Variants in RALYL observed in about 807,000 individuals in gnomAD.
The protein encoded by RALYL is RALY RNA binding protein like, also known as RNA-binding Raly-like protein.
Under a neutral mutation model 35.1 loss-of-function variants are expected in RALYL, and 29 were observed. The ratio of observed to expected loss-of-function variants is 0.83; its 90% CI spans 0.61 to 1.13. RALYL has a LOEUF of 1.13. Ranked by LOEUF, RALYL falls within the 50% of genes most tolerant of loss-of-function variation. The pLI is 0.00. For missense variants in RALYL, 359 were observed against 360.4 expected, an observed-to-expected ratio of 1.00 and a Z score of 0.03; for synonymous variants, 120 against 127.6, an observed-to-expected ratio of 0.94 and a Z score of 0.40.
chr8:84,523,025 A>C (rs2058585746), intron 1 of RALYL, among the ~76,000 whole-genome samples: 1 of 152,168 alleles, frequency 6.6e-6, no homozygotes, highest in African/African-American at 2.4e-5. Flanking sequence ...GTGGCAGGCA[A>C]GAAGCCAAAG....
intron 1 of RALYL, among the ~76,000 whole-genome samples, chr8:84,424,518 A>T (rs1158340564): frequency 6.7e-6 from 1 of 149,994 alleles, no homozygotes; most frequent in East Asian, 1.9e-4. Flanking sequence ...GCTCAGAGTA[A>T]TTCGATCGTC....
intron 3 of RALYL, among the ~76,000 whole-genome samples, chr8:84,780,493 C>T (rs1817890007): frequency 6.6e-6 from 1 of 152,180 alleles, no homozygotes; most frequent in African/African-American, 2.4e-5. Context: ...TTCTCTAATT[C>T]AGAAATCTCC....
chr8:84,314,131 T>G (rs73306926), intron 1 of RALYL, among the ~76,000 whole-genome samples: 7,207 of 151,976 alleles, frequency 0.047, 264 homozygotes, highest in African/African-American at 0.083. Context: ...AAGTGCAGGG[T>G]AAACACTGGA....
chr8:84,485,828 G>A (rs1347015541), intron 1 of RALYL, among the ~76,000 whole-genome samples: 3 of 151,980 alleles, frequency 2.0e-5, no homozygotes, highest in Non-Finnish European at 2.9e-5. Context: ...TATCCAAGCA[G>A]CCATTATTAT....
chr8:84,841,125 C>T (rs1310643823), intron 4 of RALYL, among the ~76,000 whole-genome samples: 44 of 152,086 alleles, frequency 2.9e-4, no homozygotes, highest in Non-Finnish European at 3.8e-4. Flanking sequence ...CAATACTAAC[C>T]TTAAATGTAA....
intron 4 of RALYL, among the ~76,000 whole-genome samples, chr8:84,827,881 A>ATAAT: frequency 6.6e-6 from 1 of 152,222 alleles, no homozygotes; most frequent in East Asian, 1.9e-4. Context: ...TAACAAATGA[A>ATAAT]TAATTATTAA....
In RALYL at chr8:84,248,352, G is replaced by A. The variant is rs550813520; in HGVS notation, c.-24+63928G>A. Reference sequence around the variant, plus strand: ...CCTATTCAGCAACTTTATCAAACCTGGACCAAATAATCTCCTGATAGGCAA... The same window carrying A: ...CCTATTCAGCAACTTTATCAAACCTAGACCAAATAATCTCCTGATAGGCAA... On this transcript the variant is annotated intron_variant, in intron 1 of 8. Coordinates refer to ENST00000521268, the MANE Select transcript of RALYL (RefSeq NM_173848.7). 5.3e-4 allele frequency among the ~76,000 whole-genome samples: 81 copies of A among 152,104 alleles called. 1 individual carries two copies. The Middle Eastern group carries it at 0.017, about 32-fold the overall frequency.
intron 1 of RALYL, among the ~76,000 whole-genome samples, chr8:84,202,142 A>G (rs1454028905): frequency 2.0e-5 from 3 of 151,556 alleles, no homozygotes. Flanking sequence ...TTTTACTGTA[A>G]TATTGCAGTT....
At chr8:84,428,303 G>A (rs571641909) in intron 1 of RALYL, among the ~76,000 whole-genome samples, 103 of 152,214 alleles carry the variant, frequency 6.8e-4, no homozygotes, top group African/African-American at 2.4e-3. Flanking sequence ...CCAGATGGTC[G>A]TTAATCATGA....
chr8:84,608,798 G>A (rs1289491967), intron 2 of RALYL, among the ~76,000 whole-genome samples: 2 of 152,070 alleles, frequency 1.3e-5, no homozygotes, highest in South Asian at 2.1e-4. Context: ...GATCTGCCAC[G>A]AATCCTTGGT....
chr8:84,530,079 G>T (rs1264399460), intron 2 of RALYL, among the ~76,000 whole-genome samples: 1 of 152,080 alleles, frequency 6.6e-6, no homozygotes, highest in Non-Finnish European at 1.5e-5. Flanking sequence ...TAAGGATTTT[G>T]TGTATTATAC....
chr8:84,224,174 A>G (rs961964399), intron 1 of RALYL, among the ~76,000 whole-genome samples: 4 of 152,126 alleles, frequency 2.6e-5, no homozygotes, highest in Non-Finnish European at 5.9e-5. Flanking sequence ...CAAAATGGTC[A>G]TATGCTCACT....
At chr8:84,547,996 CT>C (rs2060476173) in intron 2 of RALYL, among the ~76,000 whole-genome samples, 1 of 152,028 alleles carries the variant, frequency 6.6e-6, no homozygotes, top group Non-Finnish European at 1.5e-5. Context: ...TACTTGTTAG[CT>C]GTTCTCGGTC....
chr8:84,794,450 C>G (rs780616951), intron 3 of RALYL, among the ~76,000 whole-genome samples: 2 of 152,232 alleles, frequency 1.3e-5, no homozygotes, highest in African/African-American at 2.4e-5. Context: ...TTGAAAGAGA[C>G]AGCTGAGCAG....
At position 84,613,765 on chromosome 8, in the gene RALYL, G is replaced by GT. The variant is rs1377156242; in HGVS notation, c.256+84194dup. On this transcript the variant is annotated intron_variant, in intron 2 of 8. Coordinates refer to ENST00000521268, the MANE Select transcript of RALYL (RefSeq NM_173848.7). ...AGCTAAAGCATTAACATCATTATAG[G>GT]TTTTTTAGTCTCTCAAATATTTTCC... 1.3e-5 allele frequency among the ~76,000 whole-genome samples: 2 copies of GT among 150,856 alleles called. 1 individual carries two copies. Among genetic ancestry groups the GT allele is most frequent in the African/African-American group, 4.9e-5 (2 of 40,826 alleles).
chr8:84,643,017 G>A (rs1826715175), intron 2 of RALYL, among the ~76,000 whole-genome samples: 1 of 151,952 alleles, frequency 6.6e-6, no homozygotes, highest in African/African-American at 2.4e-5. Flanking sequence ...GGCTGTAGGT[G>A]GCTCCTGAGA....
rs1302861323 is a variant in RALYL, at chr8:84,262,723, GA to G, written c.-24+78302del. 3.3e-5 allele frequency among the ~76,000 whole-genome samples: 5 copies of G among 152,244 alleles called. No homozygotes were observed. The East Asian group carries it at 9.7e-4, about 29-fold the overall frequency. ...TGTTGGTGATCTATTAATGGGTCAT[GA>G]AATCAACTTTGTTGGTTAAACTTGG... On this transcript the variant is annotated intron_variant, in intron 1 of 8. Transcript: ENST00000521268.
intron 1 of RALYL, among the ~76,000 whole-genome samples, chr8:84,347,027 G>T (rs1014831813): frequency 6.6e-6 from 1 of 151,702 alleles, no homozygotes; most frequent in Non-Finnish European, 1.5e-5. Context: ...GTGAAACCTC[G>T]TCCCTACTAA....
intron 1 of RALYL, among the ~76,000 whole-genome samples, chr8:84,476,798 CACA>C (rs2053475652): frequency 3.3e-5 from 5 of 152,162 alleles, no homozygotes; most frequent in Admixed American, 3.3e-4. Context: ...CGGAAAGGAG[CACA>C]ACATTAAGGA....
Sources: allele counts gnomAD v4.1 joint callset (sites outside exome capture counted in the v4.1 genomes callset), GRCh38; gene constraint gnomAD v4.1.1; transcripts MANE v1.5; gene names NCBI Gene and HGNC (gene_info 2026-07-23, HGNC 2026-07-21).